Variants in ANO3 observed in about 807,000 individuals in gnomAD.
ANO3 encodes anoctamin-3.
A neutral mutation model predicts 144.8 loss-of-function variants in ANO3; 99 were observed. The ratio of observed to expected loss-of-function variants is 0.68; its 90% confidence interval spans 0.58 to 0.81. The LOEUF is 0.81. ANO3 is among the 30% of genes least tolerant of loss of function. ANO3 has a pLI of 0.00. For missense variants in ANO3, 905 were observed against 1,202.2 expected (o/e 0.75, Z 3.66); for synonymous variants, 414 against 392.6 (o/e 1.05, Z -0.64).
intron 1 of ANO3, among the ~76,000 whole-genome samples, chr11:26,395,830 A>G (rs1178654065): frequency 6.6e-6 from 1 of 152,178 alleles, no homozygotes; most frequent in Non-Finnish European, 1.5e-5. Flanking sequence ...AAGACCTAAA[A>G]CCATAAAAAC....
At position 26,641,964 on chromosome 11, in the gene ANO3, G is replaced by A; in HGVS notation, c.2210G>A (p.Trp737Ter). ...RGIHDASIPQWENDWNLQPMN... is the reference protein window; with the variant it reads ...RGIHDASIPQ Reference sequence around the variant, plus strand: ...ATACATGATGCTTCCATACCTCAGTGGGAAAATGATTGGAATCTGCAGCCC... The same window carrying A: ...ATACATGATGCTTCCATACCTCAGTAGGAAAATGATTGGAATCTGCAGCCC... Residue 737 changes from tryptophan (W) to a stop codon, truncating the protein, a stop_gained, in exon 22 of 27, where the codon TGG (tryptophan) becomes TAG (stop). Coordinates refer to ENST00000256737, the MANE Select transcript of ANO3 (RefSeq NM_031418.4). LOFTEE classifies it high-confidence loss of function. 6.2e-7 allele frequency: 1 copy of A among 1,613,936 alleles called. No individual in the cohort carries two copies.
intron 1 of ANO3, among the ~76,000 whole-genome samples, chr11:26,207,691 T>TA (rs1851834380): frequency 7.8e-6 from 1 of 128,650 alleles, no homozygotes; most frequent in African/African-American, 2.6e-5. Flanking sequence ...GTGGGATTTT[T>TA]AAAAATGGAT....
intron 1 of ANO3, among the ~76,000 whole-genome samples, chr11:26,235,317 T>C (rs976376456): frequency 6.6e-6 from 1 of 152,192 alleles, no homozygotes; most frequent in Non-Finnish European, 1.5e-5. Context: ...TGTATAACCA[T>C]GGTACAATAA....
intron 1 of ANO3, among the ~76,000 whole-genome samples, chr11:26,426,841 T>C (rs1355892333): frequency 6.6e-6 from 1 of 152,222 alleles, no homozygotes; most frequent in African/African-American, 2.4e-5. Flanking sequence ...CTGTTAGACG[T>C]AGAAACATCT....
chr11:26,415,700 C>T (rs903197416), intron 1 of ANO3, among the ~76,000 whole-genome samples: 1 of 152,046 alleles, frequency 6.6e-6, no homozygotes, highest in African/African-American at 2.4e-5. Context: ...GAAAACCTAT[C>T]AAGGAGCAGT....
At chr11:26,600,716 G>T (rs1456862788) in intron 17 of ANO3, among the ~76,000 whole-genome samples, 2 of 148,872 alleles carry the variant, frequency 1.3e-5, no homozygotes, top group African/African-American at 5.0e-5. Flanking sequence ...CTATCAGGAA[G>T]ATAACTGTTT....
At position 26,237,145 on chromosome 11, in the gene ANO3, T is replaced by C. The variant is rs371829297; in HGVS notation, c.154+47815T>C. Among the ~76,000 whole-genome samples the C allele has an allele frequency of 8.5e-5, 13 of 152,220 alleles. No homozygotes were observed. In the South Asian group the frequency reaches 1.9e-3, roughly 22 times the overall value. On this transcript the variant is annotated intron_variant, in intron 1 of 27. Transcript: ENST00000672621. The stretch of plus-strand genomic sequence containing the variant: ...GAGTATTGTCAATGTTCTTATCATC[T>C]CTAAAATCGAGATTTTTCAATCTAT...
Position 26,586,503 on chromosome 11 carries a change from C to CTTTTTTT in ANO3, c.1448-11850_1448-11844dup, listed in dbSNP as rs550057766. ...AAGAAGGGGCTTCCCTGGTGAGAAT[C>CTTTTTTT]TTTTTTTTTTTTTTTTTTGAGACAT... On this transcript the variant is annotated intron_variant, in intron 14 of 26. Transcript: ENST00000256737. Among the ~76,000 whole-genome samples the CTTTTTTT allele has an allele frequency of 6.9e-3, 560 of 81,422 alleles. 81 individuals carry two copies. Among genetic ancestry groups the CTTTTTTT allele is most frequent in the Admixed American group, 0.012 (73 of 6,146 alleles). 53.4% of individuals were successfully genotyped at this position (81,422 alleles called of 152,430 possible). A position where few individuals can be genotyped will look rare whatever the true frequency, so the allele number is the denominator to read the frequency against.
intron 14 of ANO3, among the ~76,000 whole-genome samples, chr11:26,581,715 G>GA (rs1391627201): frequency 7.3e-6 from 1 of 137,744 alleles, no homozygotes; most frequent in African/African-American, 2.7e-5. Flanking sequence ...AAAAAAAGGA[G>GA]AAAAGAAACA....
chr11:26,522,370 C>T (rs1041743195), intron 6 of ANO3, among the ~76,000 whole-genome samples: 4 of 152,132 alleles, frequency 2.6e-5, no homozygotes, highest in Non-Finnish European at 5.9e-5. Flanking sequence ...TAACTGTCCT[C>T]CTCACTTAGT....
chr11:26,273,524 C>CA (rs1853492413), intron 1 of ANO3, among the ~76,000 whole-genome samples: 1 of 152,008 alleles, frequency 6.6e-6, no homozygotes, highest in Non-Finnish European at 1.5e-5. Context: ...CATCAAGCCT[C>CA]AAACAATAAA....
intron 8 of ANO3, among the ~76,000 whole-genome samples, chr11:26,533,479 A>G (rs1216474179): frequency 1.3e-5 from 2 of 152,222 alleles, no homozygotes; most frequent in Non-Finnish European, 2.9e-5. Flanking sequence ...AACTGAAGAC[A>G]TAAGACTGAA....
intron 17 of ANO3, among the ~76,000 whole-genome samples, chr11:26,603,160 T>C (rs1332880142): frequency 1.3e-5 from 2 of 152,166 alleles, no homozygotes; most frequent in African/African-American, 4.8e-5. Context: ...ATTTTTAAAA[T>C]ATATCTGGCA....
At chr11:26,431,186 G>T (rs1345674318) in intron 1 of ANO3, among the ~76,000 whole-genome samples, 1 of 152,118 alleles carries the variant, frequency 6.6e-6, no homozygotes, top group Non-Finnish European at 1.5e-5. Context: ...TATTGTACTG[G>T]GCAGTATAGT....
At chr11:26,558,021 A>T (rs897024921) in intron 13 of ANO3, among the ~76,000 whole-genome samples, 7 of 152,212 alleles carry the variant, frequency 4.6e-5, no homozygotes, top group Non-Finnish European at 1.0e-4. Flanking sequence ...AGATGTATAT[A>T]ATCCCACATT....
intron 4 of ANO3, among the ~76,000 whole-genome samples, chr11:26,502,799 A>G (rs1008936869): frequency 1.3e-5 from 2 of 151,516 alleles, no homozygotes; most frequent in Non-Finnish European, 2.9e-5. Context: ...ACAGTTTAGC[A>G]CACAGGTGTT....
rs752438723 is a variant in ANO3, at chr11:26,643,346, A to T, written c.2428+12A>T. 80 of 1,613,262 alleles carry T rather than the reference A, an allele frequency of 5.0e-5. No homozygotes were observed. Among genetic ancestry groups the T allele is most frequent in the Non-Finnish European group, 6.2e-5 (73 of 1,179,792 alleles). ...AGCAACTGACATAGGTAAGATTCGG[A>T]AGTTAAATGATTTTTACGTTGCTAA... On this transcript the variant is annotated intron_variant, in intron 23 of 26. Coordinates refer to ENST00000256737, the MANE Select transcript of ANO3 (RefSeq NM_031418.4).
intron 3 of ANO3, among the ~76,000 whole-genome samples, chr11:26,454,841 T>C (rs1246134678): frequency 2.0e-5 from 3 of 151,728 alleles, no homozygotes; most frequent in South Asian, 2.1e-4. Flanking sequence ...ACTGGCAAAC[T>C]GAATCCAGCA....
chr11:26,227,841 T>A (rs907425814), intron 1 of ANO3, among the ~76,000 whole-genome samples: 1 of 152,202 alleles, frequency 6.6e-6, no homozygotes, highest in South Asian at 2.1e-4. Flanking sequence ...TATACAATAA[T>A]AAACACTTTT....
Sources: gnomAD v4.1 joint callset for allele counts (sites outside exome capture counted in the v4.1 genomes callset) on GRCh38, gnomAD v4.1.1 for gene constraint, MANE v1.5 for transcripts, NCBI Gene and HGNC (gene_info 2026-07-23, HGNC 2026-07-21) for gene names.